Variants in CRACD observed in about 807,000 individuals in gnomAD.
CRACD encodes the protein capping protein-inhibiting regulator of actin dynamics.
In CRACD, 56 loss-of-function variants were observed where a neutral mutation model predicts 106.8. The ratio of observed to expected loss-of-function variants is 0.52; its 90% CI spans 0.42 to 0.66. The LOEUF (loss-of-function observed/expected upper bound fraction) is 0.66. Among genes scored for constraint, CRACD ranks in the 30% least tolerant of loss-of-function variants. CRACD has a pLI of 0.00. For missense variants in CRACD, 1,730 were observed against 1,623.2 expected, an observed-to-expected ratio of 1.07 and a Z score of -1.13; for synonymous variants, 754 against 670.8, an observed-to-expected ratio of 1.12 and a Z score of -1.92.
chr4:56,226,637 G>A (rs1283315599), intron 2 of CRACD, among the ~76,000 whole-genome samples: 2 of 152,096 alleles, frequency 1.3e-5, no homozygotes, highest in Non-Finnish European at 2.9e-5. Context: ...GTTGAAATTT[G>A]ATCCCCAGCA....
At chr4:56,213,522 C>T (rs1487375564) in intron 2 of CRACD, among the ~76,000 whole-genome samples, 1 of 152,188 alleles carries the variant, frequency 6.6e-6, no homozygotes, top group Non-Finnish European at 1.5e-5. Flanking sequence ...ACCTCCACTT[C>T]CACAGCCCCT....
At chr4:56,221,430 G>C (rs1236173566) in intron 2 of CRACD, among the ~76,000 whole-genome samples, 1 of 152,152 alleles carries the variant, frequency 6.6e-6, no homozygotes, top group African/African-American at 2.4e-5. Flanking sequence ...AAATTGGCTT[G>C]AGGAATGGGG....
chr4:56,306,549 A>G (rs997945917), intron 4 of CRACD, among the ~76,000 whole-genome samples: 4 of 152,176 alleles, frequency 2.6e-5, no homozygotes, highest in Non-Finnish European at 5.9e-5. Flanking sequence ...ACAGAGAAAG[A>G]TGAACATTTC....
At chr4:56,196,314 T>C (rs1737608732) in intron 2 of CRACD, 1 of 152,876 alleles carries the variant, frequency 6.5e-6, no homozygotes, top group South Asian at 2.1e-4. Context: ...TTTGTGCTCA[T>C]AGATTTGCAT....
At chr4:56,056,883 G>T (rs910683848) in intron 1 of CRACD, among the ~76,000 whole-genome samples, 4 of 152,278 alleles carry the variant, frequency 2.6e-5, no homozygotes, top group African/African-American at 7.2e-5. Context: ...GACCAGCCTG[G>T]GCAACAAGGT....
intron 1 of CRACD, among the ~76,000 whole-genome samples, chr4:56,159,904 C>G (rs1735891561): frequency 6.6e-6 from 1 of 151,798 alleles, no homozygotes; most frequent in East Asian, 2.0e-4. Flanking sequence ...GCCTCAGCCT[C>G]CTGAGTAGCT....
chr4:56,163,786 C>T (rs994060336), intron 1 of CRACD, among the ~76,000 whole-genome samples: 2 of 151,880 alleles, frequency 1.3e-5, no homozygotes, highest in African/African-American at 4.8e-5. Context: ...CACTCTGTCT[C>T]CCAAACTGCA....
At position 56,314,816 on chromosome 4, in the gene CRACD, C is replaced by T. The variant is rs746837841; in HGVS notation, c.1314C>T (p.Pro438=). The T allele has an allele frequency of 1.2e-6, 2 of 1,609,116 alleles. No individual in the cohort carries two copies. Among genetic ancestry groups the T allele is most frequent in the Non-Finnish European group, 1.7e-6 (2 of 1,178,546 alleles). The change falls in exon 8 of 11, where the codon CCC becomes CCT. Residue 438 remains proline (P), a synonymous_variant. Transcript: ENST00000682029. This position sits in a 1 kb window ranked among gnomAD's most constrained non-coding sequence, Gnocchi z 4.4. ...TCGAAGACCAGGAACGCCTGAAACC[C>T]GAAGGACAAAGAGAACACTCCGAGG... The part of the protein sequence containing the change: ...ERLEDQERLK[P]EGQREHSEEP...
chr4:56,221,008 G>T (rs919283661), intron 2 of CRACD, among the ~76,000 whole-genome samples: 2 of 152,150 alleles, frequency 1.3e-5, no homozygotes, highest in Non-Finnish European at 2.9e-5. Flanking sequence ...TCAGAATCCA[G>T]CGTCCTTGGG....
At chr4:56,097,277 G>A (rs915763188) in intron 1 of CRACD, 3 of 152,442 alleles carry the variant, frequency 2.0e-5, no homozygotes, top group Non-Finnish European at 2.9e-5. Flanking sequence ...GTACAAAATA[G>A]TTTTCTGGGA....
intron 2 of CRACD, among the ~76,000 whole-genome samples, chr4:56,196,098 T>C (rs944776402): frequency 6.6e-6 from 1 of 152,192 alleles, no homozygotes; most frequent in East Asian, 1.9e-4. Context: ...TGTAATTCAG[T>C]GAATGTGCAG....
chr4:56,076,462 C>T (rs1401994838), intron 1 of CRACD, among the ~76,000 whole-genome samples: 1 of 152,136 alleles, frequency 6.6e-6, no homozygotes, highest in Non-Finnish European at 1.5e-5. Flanking sequence ...AATTGCAAAA[C>T]TGGTTTTTAA....
At chr4:56,205,556 A>C (rs770869813) in intron 2 of CRACD, among the ~76,000 whole-genome samples, 27 of 152,226 alleles carry the variant, frequency 1.8e-4, no homozygotes, top group Non-Finnish European at 3.5e-4. Context: ...ACAAACATGC[A>C]TATATGTGTG....
intron 2 of CRACD, among the ~76,000 whole-genome samples, chr4:56,254,023 G>C (rs566225600): frequency 6.6e-6 from 1 of 152,332 alleles, no homozygotes; most frequent in East Asian, 1.9e-4. Context: ...AAGGTCATCT[G>C]TTCCACCAGT....
chr4:56,096,727 G>A (rs1218799787), intron 1 of CRACD, among the ~76,000 whole-genome samples: 2 of 152,090 alleles, frequency 1.3e-5, no homozygotes, highest in African/African-American at 2.4e-5. Context: ...TGGATTTAGT[G>A]GTATGAAGGT....
chr4:56,315,775 C>T lies in CRACD; in HGVS notation c.2273C>T (p.Ala758Val), dbSNP rs761521461. The T allele has an allele frequency of 2.6e-5, 42 of 1,614,038 alleles. No individual in the cohort carries two copies. The South Asian group carries it at 3.5e-4, about 14-fold the overall frequency. ...RPMLGPSEET[A>V]PQPPPAGVRE... ...ATGCTGGGACCCAGCGAAGAGACAG[C>T]CCCCCAGCCTCCTCCTGCTGGTGTT... is the stretch of plus-strand genomic sequence containing the variant. The change falls in exon 8 of 11, where the codon GCC becomes GTC. Residue 758 changes from alanine (A) to valine (V), a missense_variant. Physicochemically the swap from Ala to Val is moderately conservative, Grantham distance 64. Transcript: ENST00000682029. The surrounding 1 kb of genome is among the most constrained non-coding windows in gnomAD (Gnocchi z 4.1).
At chr4:56,079,935 T>C (rs1732967110) in intron 1 of CRACD, among the ~76,000 whole-genome samples, 1 of 152,206 alleles carries the variant, frequency 6.6e-6, no homozygotes, top group African/African-American at 2.4e-5. Flanking sequence ...AGGGGGGATA[T>C]ATGTGACAGG....
chr4:56,155,988 G>A lies in CRACD; in HGVS notation c.-335-23296G>A, dbSNP rs1334021939. ...TATTTATTGAGTTTTTTTTGAGACA[G>A]AGTTTTGCTCTGTCACCCAGGCTGG... is the stretch of plus-strand genomic sequence containing the variant. On this transcript the variant is annotated intron_variant, in intron 1 of 10. Coordinates refer to ENST00000682029, the MANE Select transcript of CRACD (RefSeq NM_001393381.1). Among the ~76,000 whole-genome samples, 10 of 152,104 alleles carry A rather than the reference G, an allele frequency of 6.6e-5. No homozygotes were observed. The East Asian group carries it at 1.9e-3, about 29-fold the overall frequency.
At chr4:56,291,317 G>A (rs966003110) in intron 3 of CRACD, among the ~76,000 whole-genome samples, 3 of 152,140 alleles carry the variant, frequency 2.0e-5, no homozygotes, top group East Asian at 1.9e-4. Context: ...AAAGAAGTCC[G>A]GACGAACTCT....
Sources: gnomAD v4.1 joint callset for allele counts (sites outside exome capture counted in the v4.1 genomes callset) on GRCh38, gnomAD v4.1.1 for gene constraint, Gnocchi (gnomAD v3.1) non-coding constraint, MANE v1.5 for transcripts, NCBI Gene and HGNC (gene_info 2026-07-23, HGNC 2026-07-21) for gene names.